Variants in CSMD1 observed in about 807,000 individuals in gnomAD.
CSMD1 encodes the protein CUB and Sushi multiple domains 1.
A neutral mutation model predicts 417.5 loss-of-function variants in CSMD1; 213 were observed. The ratio of observed to expected loss-of-function variants is 0.51; its 90% CI spans 0.46 to 0.57. The LOEUF is 0.57. CSMD1 is among the 20% of genes least tolerant of loss of function. CSMD1 has a pLI of 0.00. For synonymous variants in CSMD1, 2,862 were observed against 1,736.8 expected, an observed-to-expected ratio of 1.65 and a Z score of -16.11; for missense variants, 6,923 against 4,529.7, an observed-to-expected ratio of 1.53 and a Z score of -15.17.
At chr8:3,660,760 A>T (rs1242668746) in intron 7 of CSMD1, among the ~76,000 whole-genome samples, 1 of 152,032 alleles carries the variant, frequency 6.6e-6, no homozygotes, top group Non-Finnish European at 1.5e-5. Flanking sequence ...ACCTCAAATG[A>T]TCCACACACC....
chr8:3,668,256 T>C (rs905143632), intron 7 of CSMD1, among the ~76,000 whole-genome samples: 2 of 152,036 alleles, frequency 1.3e-5, no homozygotes, highest in Non-Finnish European at 2.9e-5. Context: ...TTCTGGGTGA[T>C]GAGTTCAGCC....
At chr8:4,170,344 C>T (rs1042475004) in intron 3 of CSMD1, among the ~76,000 whole-genome samples, 1 of 151,858 alleles carries the variant, frequency 6.6e-6, no homozygotes, top group Non-Finnish European at 1.5e-5. Flanking sequence ...TCATTTCATG[C>T]AGTTCCGTAT....
intron 2 of CSMD1, among the ~76,000 whole-genome samples, chr8:4,506,258 G>A (rs1802520272): frequency 6.6e-6 from 1 of 152,172 alleles, no homozygotes; most frequent in South Asian, 2.1e-4. Flanking sequence ...TCACTAATGT[G>A]TTCCAGGAAC....
chr8:3,482,569 G>A (rs1254510924), intron 11 of CSMD1, among the ~76,000 whole-genome samples: 2 of 152,178 alleles, frequency 1.3e-5, no homozygotes, highest in Non-Finnish European at 2.9e-5. Flanking sequence ...CACAAGTATA[G>A]TTGAAAACTT....
intron 3 of CSMD1, among the ~76,000 whole-genome samples, chr8:4,194,262 T>C (rs1291144436): frequency 6.6e-6 from 1 of 152,262 alleles, no homozygotes; most frequent in African/African-American, 2.4e-5. Flanking sequence ...GGAGTGAATT[T>C]AGAAATTATA....
At chr8:4,067,740 A>T (rs984078236) in intron 3 of CSMD1, among the ~76,000 whole-genome samples, 3 of 152,206 alleles carry the variant, frequency 2.0e-5, no homozygotes, top group Non-Finnish European at 4.4e-5. Context: ...GGAACGTGTT[A>T]TTCTTTGGAC....
At chr8:3,584,186 G>A (rs1800502640) in intron 9 of CSMD1, among the ~76,000 whole-genome samples, 1 of 152,086 alleles carries the variant, frequency 6.6e-6, no homozygotes, top group Admixed American at 6.6e-5. Context: ...GTTGATCAAA[G>A]TATATCTAAC....
At chr8:4,023,491 A>T (rs1796891011) in intron 4 of CSMD1, among the ~76,000 whole-genome samples, 1 of 152,184 alleles carries the variant, frequency 6.6e-6, no homozygotes, top group Non-Finnish European at 1.5e-5. Flanking sequence ...TTGGAATCAC[A>T]GAAGAGGAAG....
intron 48 of CSMD1, among the ~76,000 whole-genome samples, chr8:3,089,891 T>C (rs746712551): frequency 3.3e-5 from 5 of 152,174 alleles, no homozygotes; most frequent in Admixed American, 1.3e-4. Flanking sequence ...GTTCTCACAA[T>C]TGAGGATATA....
intron 5 of CSMD1, among the ~76,000 whole-genome samples, chr8:3,942,940 G>A (rs761327763): frequency 7.9e-5 from 12 of 152,054 alleles, no homozygotes; most frequent in Non-Finnish European, 1.5e-4. Context: ...ATACTGGCAC[G>A]ACAACACAGT....
intron 28 of CSMD1, among the ~76,000 whole-genome samples, chr8:3,221,620 G>A (rs905498346): frequency 6.6e-6 from 1 of 151,784 alleles, no homozygotes; most frequent in African/African-American, 2.4e-5. Context: ...ATGCGTAGAA[G>A]TCTGGAGTGA....
At chr8:2,986,043 AGAAG>A (rs917126657) in intron 54 of CSMD1, among the ~76,000 whole-genome samples, 12 of 150,748 alleles carry the variant, frequency 8.0e-5, no homozygotes, top group South Asian at 2.1e-4. Context: ...TCTCCATAGA[AGAAG>A]GAAGGAAGGA....
intron 6 of CSMD1, among the ~76,000 whole-genome samples, chr8:3,723,697 T>A (rs1268353301): frequency 1.3e-5 from 2 of 152,184 alleles, no homozygotes; most frequent in African/African-American, 4.8e-5. Flanking sequence ...CAGGGTGATA[T>A]TAACACGTGT....
intron 29 of CSMD1, among the ~76,000 whole-genome samples, chr8:3,216,589 G>A (rs1321606678): frequency 6.6e-6 from 1 of 152,060 alleles, no homozygotes; most frequent in Non-Finnish European, 1.5e-5. Flanking sequence ...TTTTCCCAAT[G>A]GACTGCATCT....
intron 5 of CSMD1, among the ~76,000 whole-genome samples, chr8:3,977,046 C>T (rs1014570252): frequency 3.9e-5 from 6 of 152,142 alleles, no homozygotes; most frequent in Admixed American, 3.9e-4. Flanking sequence ...GGATTACAAC[C>T]ATCTTTTCTT....
At chr8:4,639,125 C>G (rs2130863248) in intron 1 of CSMD1, among the ~76,000 whole-genome samples, 2 of 152,294 alleles carry the variant, frequency 1.3e-5, no homozygotes, top group African/African-American at 4.8e-5. Context: ...TTCCGCTACT[C>G]CTGATCTTCA....
Position 3,898,756 on chromosome 8 carries a change from G to A in CSMD1, c.818+99147C>T, listed in dbSNP as rs550111704. ...CCTACTTTTCTGCTATTGAACCACT[G>A]TATATATATTTGAGGAAGACCTTCT... is the stretch of plus-strand genomic sequence containing the variant. On this transcript the variant is annotated intron_variant, in intron 5 of 69. Coordinates refer to ENST00000635120, the MANE Select transcript of CSMD1 (RefSeq NM_033225.6). 2.0e-5 allele frequency among the ~76,000 whole-genome samples: 3 copies of A among 152,076 alleles called. No homozygotes were observed. The South Asian group carries it at 6.2e-4, about 32-fold the overall frequency.
rs554177721 is a variant in CSMD1, at chr8:4,599,926, C to G, written c.302+37416G>C. 5.3e-5 allele frequency among the ~76,000 whole-genome samples: 8 copies of G among 152,180 alleles called. No homozygotes were observed. The East Asian group carries it at 1.6e-3, about 30-fold the overall frequency. On this transcript the variant is annotated intron_variant, in intron 2 of 69. Coordinates refer to ENST00000635120, the MANE Select transcript of CSMD1 (RefSeq NM_033225.6). ...AAGTAGCATAATTCATAAGCTGAAC[C>G]CAGGTATGCATGGATCTGACACGCA...
intron 6 of CSMD1, among the ~76,000 whole-genome samples, chr8:3,751,547 G>A (rs994570294): frequency 4.0e-5 from 6 of 149,964 alleles, no homozygotes; most frequent in African/African-American, 1.5e-4. Flanking sequence ...AGAATGAAGT[G>A]TGTATAACGT....
Sources: allele counts gnomAD v4.1 joint callset (sites outside exome capture counted in the v4.1 genomes callset), GRCh38; gene constraint gnomAD v4.1.1; transcripts MANE v1.5; gene names NCBI Gene and HGNC (gene_info 2026-07-23, HGNC 2026-07-21).